Variants in MEF2C observed in about 807,000 individuals in gnomAD.
The protein encoded by MEF2C is myocyte-specific enhancer factor 2C.
In MEF2C, 6 loss-of-function variants were observed where a neutral mutation model predicts 50.5. That is an observed-to-expected ratio of 0.12 (90% CI 0.07 to 0.23). The LOEUF is 0.23. MEF2C is among the 10% of genes least tolerant of loss of function. The pLI is 1.00. For missense variants in MEF2C, 276 were observed against 605.0 expected (o/e 0.46, Z 5.70); for synonymous variants, 183 against 228.0 (o/e 0.80, Z 1.78).
chr5:88,883,298 CGGAAGAGGAGGAGGAGGAGGAAGAA>C (rs1833543190), upstream of MEF2C: 1 of 150,046 alleles, frequency 6.7e-6, no homozygotes, highest in South Asian at 1.9e-4. Context: ...CGAGGCCGCT[CGGAAGAGGAGGAGGAGGAGGAAGAA>C]GGAGGAGGAA....
intron 2 of MEF2C, among the ~76,000 whole-genome samples, chr5:88,817,144 A>G (rs1309071135): frequency 1.3e-5 from 2 of 152,022 alleles, no homozygotes; most frequent in Non-Finnish European, 2.9e-5. Flanking sequence ...TGTATTTCTC[A>G]ATTATCCAGT....
intron 1 of MEF2C, among the ~76,000 whole-genome samples, chr5:88,867,539 T>C (rs1042481061): frequency 6.6e-6 from 1 of 152,208 alleles, no homozygotes; most frequent in African/African-American, 2.4e-5. Flanking sequence ...TTCAGGCCTA[T>C]AGAATAGTGC....
chr5:88,794,419 G>A (rs908140426), intron 3 of MEF2C, among the ~76,000 whole-genome samples: 3 of 152,078 alleles, frequency 2.0e-5, no homozygotes, highest in Non-Finnish European at 4.4e-5. Context: ...TTTTTCATAT[G>A]CTTGTTGGTT....
intron 1 of MEF2C, among the ~76,000 whole-genome samples, chr5:88,875,578 T>C (rs974156025): frequency 6.6e-6 from 1 of 151,972 alleles, no homozygotes; most frequent in Admixed American, 6.6e-5. Context: ...ATTTTCTATC[T>C]CACACCTATT....
Position 88,788,234 on chromosome 5 carries a change from C to T in MEF2C, c.258+16364G>A, listed in dbSNP as rs558307200. Among the ~76,000 whole-genome samples the T allele has an allele frequency of 5.3e-5, 8 of 151,710 alleles. No homozygotes were observed. In the East Asian group the frequency reaches 1.5e-3, roughly 29 times the overall value. Reference sequence around the variant, plus strand: ...TAGAGACTGTGTCTCGCTCTGTCACCCAGGCTGGAGTGCTGGAGTGCAGTG... The same window carrying T: ...TAGAGACTGTGTCTCGCTCTGTCACTCAGGCTGGAGTGCTGGAGTGCAGTG... On this transcript the variant is annotated intron_variant, in intron 3 of 10. Coordinates refer to ENST00000504921, the MANE Select transcript of MEF2C (RefSeq NM_002397.5).
At chr5:88,861,826 CTTAAT>C (rs1461665768) in intron 1 of MEF2C, among the ~76,000 whole-genome samples, 1 of 152,158 alleles carries the variant, frequency 6.6e-6, no homozygotes, top group Admixed American at 6.5e-5. Context: ...ATGCTGTATA[CTTAAT>C]TTACTCAAGG....
intron 10 of MEF2C, among the ~76,000 whole-genome samples, chr5:88,726,716 T>C (rs962822597): frequency 1.3e-5 from 2 of 152,188 alleles, no homozygotes; most frequent in Admixed American, 6.5e-5. Context: ...TGTAATTCAG[T>C]TCCTTTCTGT....
At chr5:88,772,259 A>G (rs1782712171) in intron 3 of MEF2C, 2 of 152,230 alleles carry the variant, frequency 1.3e-5, no homozygotes, top group African/African-American at 4.8e-5. Context: ...GACTATTTTA[A>G]TCATACCTGA....
At chr5:88,821,153 T>C (rs1281241358) in intron 2 of MEF2C, among the ~76,000 whole-genome samples, 4 of 151,980 alleles carry the variant, frequency 2.6e-5, no homozygotes, top group African/African-American at 4.8e-5. Flanking sequence ...TCTAAAGTTA[T>C]TATGACTTCT....
At chr5:88,881,346 G>C (rs1832763212) in intron 1 of MEF2C, 1 of 152,082 alleles carries the variant, frequency 6.6e-6, no homozygotes, top group Admixed American at 6.5e-5. Flanking sequence ...TCTTGCTTTA[G>C]AACTACTTCT....
At chr5:88,895,742 G>T (rs1835051680) in intron 1 of MEF2C, among the ~76,000 whole-genome samples, 1 of 152,140 alleles carries the variant, frequency 6.6e-6, no homozygotes, top group African/African-American at 2.4e-5. Flanking sequence ...TTTCACGAGT[G>T]CTTCTTTCTC....
intron 3 of MEF2C, among the ~76,000 whole-genome samples, chr5:88,778,900 A>G (rs1000424018): frequency 3.9e-5 from 6 of 152,216 alleles, no homozygotes; most frequent in African/African-American, 1.4e-4. Context: ...AGCCTGGGGT[A>G]GGGCTGGCAG....
At chr5:88,812,501 A>C (rs544433689) in intron 2 of MEF2C, among the ~76,000 whole-genome samples, 2 of 152,248 alleles carry the variant, frequency 1.3e-5, no homozygotes, top group South Asian at 4.1e-4. Flanking sequence ...ATCAGGAGAA[A>C]AAACTGGACT....
At chr5:88,743,397 T>C (rs1219464905) in intron 6 of MEF2C, 44 of 985,270 alleles carry the variant, frequency 4.5e-5, no homozygotes, top group Non-Finnish European at 5.2e-5. Flanking sequence ...TTTTGATAAG[T>C]ATTCTTGAAA....
intron 3 of MEF2C, chr5:88,782,317 T>C (rs988987304): frequency 3.5e-6 from 1 of 284,196 alleles, no homozygotes; most frequent in Non-Finnish European, 5.3e-6. Flanking sequence ...AATACAAAAA[T>C]TCGTTGGGTG....
chr5:88,732,262 G>C (rs1454775638), intron 6 of MEF2C, among the ~76,000 whole-genome samples: 1 of 152,162 alleles, frequency 6.6e-6, no homozygotes, highest in Non-Finnish European at 1.5e-5. Flanking sequence ...CGGAGGCCTG[G>C]CTGGCGTGAC....
At chr5:88,770,104 G>A in intron 3 of MEF2C, 1 of 622,194 alleles carries the variant, frequency 1.6e-6, no homozygotes, top group Non-Finnish European at 2.0e-6. Context: ...GTTGAGAGAG[G>A]AAAGGAGTAA....
In MEF2C at chr5:88,822,168, AAG is replaced by A. The variant is rs1808703438; in HGVS notation, c.54+1565_54+1566del. Among the ~76,000 whole-genome samples, 6 of 152,154 alleles carry A rather than the reference AAG, an allele frequency of 3.9e-5. 1 individual carries two copies. Among genetic ancestry groups the A allele is most frequent in the African/African-American group, 1.4e-4 (6 of 41,550 alleles). ...TTTCTTCTAACTTTGCAAGCAAAAG[AAG>A]ATATAATGAATATCATAAACCTAAA... On this transcript the variant is annotated intron_variant, in intron 2 of 10. Coordinates refer to ENST00000504921, the MANE Select transcript of MEF2C (RefSeq NM_002397.5).
chr5:88,816,152 A>G (rs1197422129), intron 2 of MEF2C, among the ~76,000 whole-genome samples: 1 of 152,096 alleles, frequency 6.6e-6, no homozygotes, highest in African/African-American at 2.4e-5. Context: ...TCTAGAAGTG[A>G]CAATTATTCT....
Sources: gnomAD v4.1 joint callset for allele counts (sites outside exome capture counted in the v4.1 genomes callset) on GRCh38, gnomAD v4.1.1 for gene constraint, MANE v1.5 for transcripts, NCBI Gene and HGNC (gene_info 2026-07-23, HGNC 2026-07-21) for gene names.